ADGRG7: variants seen among roughly 807,000 people sequenced by gnomAD.
The protein encoded by ADGRG7 is G-protein coupled receptor 128.
In ADGRG7, 82 loss-of-function variants were observed where a neutral mutation model predicts 88.6. The ratio of observed to expected loss-of-function variants is 0.93; its 90% CI spans 0.77 to 1.11. The LOEUF (loss-of-function observed/expected upper bound fraction) is 1.11, where lower values mean the gene tolerates loss of function less well. ADGRG7 is among the 50% of genes most tolerant of loss of function. ADGRG7 has a pLI of 0.00. For missense variants in ADGRG7, 945 were observed against 953.4 expected (o/e 0.99, Z 0.12); for synonymous variants, 381 against 345.2 (o/e 1.10, Z -1.15).
chr3:100,657,661 C>G (rs2094939491), intron 13 of ADGRG7, among the ~76,000 whole-genome samples: 1 of 152,200 alleles, frequency 6.6e-6, no homozygotes, highest in Non-Finnish European at 1.5e-5. Flanking sequence ...AACACTTCAT[C>G]TGCATCCAGT....
rs1289031830 is a variant in ADGRG7 at position 100,659,723 on chromosome 3, T to C, written c.1859T>C (p.Ile620Thr). ...WLAIPEPNGV[I>T]KSPLLWSFIV... ...GCAATTCCAGAACCCAATGGTGTTA[T>C]AAAAAGTCCGCTGTTGTGGTCATTC... Residue 620 changes from isoleucine to threonine, a missense_variant, in exon 14 of 16, where the codon ATA (isoleucine) becomes ACA (threonine). By Grantham distance (89) the Ile-to-Thr change is moderately conservative. Coordinates refer to ENST00000273352, the MANE Select transcript of ADGRG7 (RefSeq NM_032787.3). 8 of 1,614,018 alleles carry C rather than the reference T, an allele frequency of 5.0e-6. No individual in the cohort carries two copies. The highest frequency in any genetic ancestry group is 5.1e-6 in the Non-Finnish European group (6 of 1,180,026).
intron 15 of ADGRG7, among the ~76,000 whole-genome samples, chr3:100,676,546 C>A (rs1013374202): frequency 3.3e-5 from 5 of 151,994 alleles, no homozygotes; most frequent in African/African-American, 1.2e-4. Context: ...GAATGATCCA[C>A]ATGCTGAGGA....
intron 14 of ADGRG7, among the ~76,000 whole-genome samples, chr3:100,663,806 CT>C (rs1286542476): frequency 6.6e-6 from 1 of 151,928 alleles, no homozygotes; most frequent in African/African-American, 2.4e-5. Flanking sequence ...TCAATGGTTA[CT>C]TATATATTTG....
At chr3:100,634,416 G>A (rs1707503242) in intron 4 of ADGRG7, among the ~76,000 whole-genome samples, 1 of 152,124 alleles carries the variant, frequency 6.6e-6, no homozygotes, top group Admixed American at 6.6e-5. Flanking sequence ...GTATTTATTA[G>A]TTTATCATAT....
At chr3:100,654,810 T>G (rs1300677427) in intron 11 of ADGRG7, 25 bp from the exon 12 acceptor site, 1 of 1,382,254 alleles carries the variant, frequency 7.2e-7, no homozygotes, top group Non-Finnish European at 9.8e-7. Context: ...ATTTAATTTT[T>G]TTATATTAAT....
chr3:100,653,885 T>G (rs2094933768), intron 11 of ADGRG7, among the ~76,000 whole-genome samples: 1 of 152,130 alleles, frequency 6.6e-6, no homozygotes, highest in African/African-American at 2.4e-5. Flanking sequence ...GTTATAGGAT[T>G]TTCTCCTTTG....
chr3:100,687,455 A>T (rs1287954107), intron 15 of ADGRG7, among the ~76,000 whole-genome samples: 3 of 152,144 alleles, frequency 2.0e-5, no homozygotes, highest in Non-Finnish European at 2.9e-5. Context: ...GTCTTGTGCC[A>T]GTTTTCAAAG....
chr3:100,690,977 G>C (rs1442045450), intron 15 of ADGRG7, among the ~76,000 whole-genome samples: 1 of 152,222 alleles, frequency 6.6e-6, no homozygotes, highest in Admixed American at 6.5e-5. Context: ...GCCTACAGAG[G>C]CAGGCAGGCC....
In ADGRG7 at chr3:100,659,738, T is replaced by C. The variant is rs2094942658; in HGVS notation, c.1874T>C (p.Leu625Ser). 6.2e-7 allele frequency: 1 copy of C among 1,614,012 alleles called. No homozygotes were observed. Among genetic ancestry groups the C allele is most frequent in the South Asian group, 1.1e-5 (1 of 91,086 alleles). ...EPNGVIKSPL[L>S]WSFIVPVTII... Reference sequence around the variant, plus strand: ...AATGGTGTTATAAAAAGTCCGCTGTTGTGGTCATTCATCGTACCTGTAACC... The same window carrying C: ...AATGGTGTTATAAAAAGTCCGCTGTCGTGGTCATTCATCGTACCTGTAACC... Residue 625 changes from leucine to serine, a missense_variant, in exon 14 of 16, where the codon TTG becomes TCG. By Grantham distance (145) the Leu-to-Ser change is moderately radical (BLOSUM62 -2). Transcript: ENST00000273352.
At chr3:100,647,511 C>T (rs1055023462) in intron 10 of ADGRG7, among the ~76,000 whole-genome samples, 17 of 152,162 alleles carry the variant, frequency 1.1e-4, no homozygotes, top group African/African-American at 3.9e-4. Flanking sequence ...TCTGTAATCC[C>T]TTCAATTTGT....
chr3:100,674,204 A>T (rs1032960038), intron 15 of ADGRG7, among the ~76,000 whole-genome samples: 5 of 152,152 alleles, frequency 3.3e-5, no homozygotes. Context: ...TCTGTAGTGT[A>T]ATTTGAAGTC....
At chr3:100,615,143 C>A (rs1707206530) in intron 1 of ADGRG7, among the ~76,000 whole-genome samples, 1 of 152,194 alleles carries the variant, frequency 6.6e-6, no homozygotes, top group South Asian at 2.1e-4. Context: ...CTGAGTCTAG[C>A]ACCTGCTCTG....
chr3:100,618,354 A>T (rs1707256523), intron 1 of ADGRG7, among the ~76,000 whole-genome samples: 1 of 152,182 alleles, frequency 6.6e-6, no homozygotes, highest in African/African-American at 2.4e-5. Context: ...TTTTAGGTCT[A>T]ACATTTAAGT....
At chr3:100,651,432 T>C (rs2094929242) in intron 11 of ADGRG7, among the ~76,000 whole-genome samples, 1 of 152,260 alleles carries the variant, frequency 6.6e-6, no homozygotes, top group African/African-American at 2.4e-5. Context: ...CATAACTAGT[T>C]TCTTTGCCAA....
At chr3:100,672,745 T>A (rs1343094140) in intron 15 of ADGRG7, among the ~76,000 whole-genome samples, 1 of 152,172 alleles carries the variant, frequency 6.6e-6, no homozygotes, top group Non-Finnish European at 1.5e-5. Flanking sequence ...ATACCTAGTT[T>A]ATTGAGAAGT....
At chr3:100,657,879 T>C (rs1430361555) in intron 13 of ADGRG7, among the ~76,000 whole-genome samples, 1 of 152,248 alleles carries the variant, frequency 6.6e-6, no homozygotes, top group Non-Finnish European at 1.5e-5. Flanking sequence ...AAATATGATT[T>C]CCAATAATTT....
At position 100,629,600 on chromosome 3, in the gene ADGRG7, A is replaced by G; in HGVS notation, c.118A>G (p.Lys40Glu). The change falls in exon 2 of 16, where the codon AAA (lysine) becomes GAA (glutamate). Residue 40 changes from lysine (K) to glutamate (E), a missense_variant and splice_region_variant. Coordinates refer to ENST00000273352, the MANE Select transcript of ADGRG7 (RefSeq NM_032787.3). ...WRIVIRIQRG[K>E]STSSSSTPTE... ...TCTGTTATTTATTGTTTCTTTAGGA[A>G]AATCTACTTCCTCATCAAGCACCCC... 6.2e-7 allele frequency: 1 copy of G among 1,608,762 alleles called. No homozygotes were observed. Among genetic ancestry groups the G allele is most frequent in the Admixed American group, 1.7e-5 (1 of 59,914 alleles).
chr3:100,619,572 G>T (rs1426459674), intron 1 of ADGRG7, among the ~76,000 whole-genome samples: 2 of 151,888 alleles, frequency 1.3e-5, no homozygotes, highest in East Asian at 1.9e-4. Flanking sequence ...CAGAACTGAA[G>T]GAAATAAAGA....
At position 100,630,798 on chromosome 3, in the gene ADGRG7, A is replaced by T. The variant is rs1023872406; in HGVS notation, c.323A>T (p.Asp108Val). ...CCATCCTTGCAAACATGTGGCAAGG[A>T]TACTCCAAATGGTATGTGTTTTCCC... The part of the protein sequence containing the change: ...YGPSLQTCGK[D>V]TPNAGNPMAV... The change falls in exon 3 of 16, where the codon GAT (aspartate) becomes GTT (valine). Residue 108 changes from aspartate (D) to valine (V), a missense_variant. Coordinates refer to ENST00000273352, the MANE Select transcript of ADGRG7 (RefSeq NM_032787.3). 2.2e-5 allele frequency: 32 copies of T among 1,474,116 alleles called. No individual in the cohort carries two copies. The highest frequency in any genetic ancestry group is 2.9e-5 in the Non-Finnish European group (32 of 1,111,212). The allele number at this position is 1,474,116 out of a possible 1,614,324, so 91.3% of individuals were successfully genotyped here.
Sources: gnomAD v4.1 joint callset for allele counts (sites outside exome capture counted in the v4.1 genomes callset) on GRCh38, gnomAD v4.1.1 for gene constraint, MANE v1.5 for transcripts, NCBI Gene and HGNC (gene_info 2026-07-23, HGNC 2026-07-21) for gene names.